Variants in PCSK2 observed in about 807,000 individuals in gnomAD.
PCSK2 encodes the protein proprotein convertase subtilisin/kexin type 2, also known as neuroendocrine convertase 2.
In PCSK2, 14 loss-of-function variants were observed where a neutral mutation model predicts 69.7. The ratio of observed to expected loss-of-function variants is 0.20; its 90% confidence interval spans 0.13 to 0.31. The LOEUF (loss-of-function observed/expected upper bound fraction) is 0.31. Ranked by LOEUF, PCSK2 falls within the 10% of genes least tolerant of loss-of-function variation. The probability of loss-of-function intolerance (pLI) is 1.00; values close to 1 mark genes in which losing one functional copy is unlikely to be tolerated. For missense variants in PCSK2, 544 were observed against 842.5 expected (o/e 0.65, Z 4.39); for synonymous variants, 307 against 320.7 (o/e 0.96, Z 0.46).
intron 7 of PCSK2, among the ~76,000 whole-genome samples, chr20:17,435,099 T>C (rs1228157209): frequency 1.3e-5 from 2 of 152,178 alleles, no homozygotes; most frequent in Non-Finnish European, 2.9e-5. Context: ...TGGGTGTTTG[T>C]TGTCAAAAAT....
chr20:17,334,162 G>A (rs540093768), intron 2 of PCSK2, among the ~76,000 whole-genome samples: 10 of 151,992 alleles, frequency 6.6e-5, no homozygotes, highest in African/African-American at 1.9e-4. Context: ...GAGCAGTGGA[G>A]TGGGCAATCT....
intron 5 of PCSK2, among the ~76,000 whole-genome samples, chr20:17,381,407 T>C (rs187194341): frequency 1.3e-5 from 2 of 152,296 alleles, no homozygotes; most frequent in African/African-American, 2.4e-5. Flanking sequence ...CATTAAGCTA[T>C]GGAAAGAGAT....
At chr20:17,256,359 T>G (rs752383004) in intron 1 of PCSK2, among the ~76,000 whole-genome samples, 4 of 152,110 alleles carry the variant, frequency 2.6e-5, no homozygotes, top group Non-Finnish European at 5.9e-5. Flanking sequence ...ATATTTATAG[T>G]TATATAGTTT....
intron 1 of PCSK2, among the ~76,000 whole-genome samples, chr20:17,249,736 G>T (rs4813266): frequency 3.9e-5 from 6 of 152,054 alleles, no homozygotes; most frequent in Non-Finnish European, 5.9e-5. Flanking sequence ...GTAAAATAAG[G>T]CAGGCACCAA....
intron 5 of PCSK2, among the ~76,000 whole-genome samples, chr20:17,387,735 T>G (rs2031273638): frequency 6.6e-6 from 1 of 152,154 alleles, no homozygotes; most frequent in Admixed American, 6.5e-5. Flanking sequence ...GTCATGAATA[T>G]CAGGAAGCAA....
intron 4 of PCSK2, 75 bp downstream of exon 4, chr20:17,360,715 T>C: frequency 2.4e-6 from 2 of 849,710 alleles, no homozygotes; most frequent in Non-Finnish European, 3.9e-6. Context: ...AGTTGTATTG[T>C]TTTGGAGATG....
intron 5 of PCSK2, 142 bp downstream of exon 5, chr20:17,369,419 A>G (rs2030693214): frequency 1.4e-6 from 1 of 716,942 alleles, no homozygotes; most frequent in Non-Finnish European, 2.6e-6. Context: ...CACACACAGG[A>G]GTACAGCTGC....
chr20:17,440,704 T>C (rs2032577362), intron 8 of PCSK2, among the ~76,000 whole-genome samples: 1 of 151,988 alleles, frequency 6.6e-6, no homozygotes, highest in South Asian at 2.1e-4. Context: ...CTACTAAAGA[T>C]ACAAAAAATT....
chr20:17,465,591 A>T, intron 11 of PCSK2, 38 bp downstream of exon 11: 1 of 1,294,872 alleles, frequency 7.7e-7, no homozygotes, highest in South Asian at 1.4e-5. Flanking sequence ...GCATGTGGAA[A>T]GTGCCCCTGA....
chr20:17,468,060 A>G (rs11699843), intron 11 of PCSK2, among the ~76,000 whole-genome samples: 67 of 47,514 alleles, frequency 1.4e-3, no homozygotes, highest in Middle Eastern at 0.015. Flanking sequence ...TACCATAGGT[A>G]AGCATCCTCC....
At chr20:17,229,993 C>G (rs915308783) in intron 1 of PCSK2, among the ~76,000 whole-genome samples, 11 of 152,046 alleles carry the variant, frequency 7.2e-5, no homozygotes, top group Non-Finnish European at 1.3e-4. Context: ...AGGGATGATA[C>G]CTCCTATATT....
At chr20:17,295,595 C>G (rs6080630) in intron 2 of PCSK2, among the ~76,000 whole-genome samples, 20,076 of 149,342 alleles carry the variant, frequency 0.13, 1,752 homozygotes, top group Non-Finnish European at 0.19. Flanking sequence ...CAGAGTCTTG[C>G]TCTGTTACTG....
chr20:17,315,735 G>C (rs942002822), intron 2 of PCSK2, among the ~76,000 whole-genome samples: 1 of 152,210 alleles, frequency 6.6e-6, no homozygotes, highest in Non-Finnish European at 1.5e-5. Flanking sequence ...GCCTGGCTTG[G>C]GGGTGAGTCT....
chr20:17,401,560 A>G (rs1301805728), intron 5 of PCSK2, among the ~76,000 whole-genome samples: 9 of 152,230 alleles, frequency 5.9e-5, no homozygotes, highest in Non-Finnish European at 1.3e-4. Flanking sequence ...CATTCAGACT[A>G]TGGCACCAAG....
chr20:17,342,395 G>T (rs905858968), intron 2 of PCSK2, among the ~76,000 whole-genome samples: 1 of 152,132 alleles, frequency 6.6e-6, no homozygotes, highest in African/African-American at 2.4e-5. Context: ...TCCGTGCACT[G>T]CACCCTCCAC....
At chr20:17,326,768 A>G (rs1990066417) in intron 2 of PCSK2, among the ~76,000 whole-genome samples, 1 of 152,226 alleles carries the variant, frequency 6.6e-6, no homozygotes, top group Non-Finnish European at 1.5e-5. Flanking sequence ...CTAGGGAAGA[A>G]AAAGCCCTCT....
In PCSK2 at chr20:17,231,472, G is replaced by C. The variant is rs571302049; in HGVS notation, c.177+3990G>C. On this transcript the variant is annotated intron_variant, in intron 1 of 11. Coordinates refer to ENST00000262545, the MANE Select transcript of PCSK2 (RefSeq NM_002594.5). ...TTCTCACTCACTTGCTTTGTTTTCAGGTTTTAGCTATTATAAATATAGCTT... is the reference window on the plus strand; with the variant it reads ...TTCTCACTCACTTGCTTTGTTTTCACGTTTTAGCTATTATAAATATAGCTT... Among the ~76,000 whole-genome samples the C allele has an allele frequency of 5.3e-5, 8 of 152,218 alleles. No individual in the cohort carries two copies. The East Asian group carries it at 1.5e-3, about 29-fold the overall frequency.
intron 1 of PCSK2, among the ~76,000 whole-genome samples, chr20:17,234,738 C>T (rs138861863): frequency 9.0e-4 from 137 of 152,168 alleles, no homozygotes; most frequent in Middle Eastern, 3.4e-3. Flanking sequence ...TAGATCATAA[C>T]GTCATAGCAC....
chr20:17,413,711 C>T (rs1261561421), intron 6 of PCSK2, among the ~76,000 whole-genome samples: 1 of 152,178 alleles, frequency 6.6e-6, no homozygotes. Flanking sequence ...TTCTCCACCC[C>T]AAATCAACAG....
Sources: allele counts gnomAD v4.1 joint callset (sites outside exome capture counted in the v4.1 genomes callset), GRCh38; gene constraint gnomAD v4.1.1; transcripts MANE v1.5; gene names NCBI Gene and HGNC (gene_info 2026-07-23, HGNC 2026-07-21).